The following ZNF723 variants were observed in gnomAD, a reference collection of about 807,000 sequenced individuals.
The protein encoded by ZNF723 is zinc finger protein 723, also known as zinc finger protein 723, pseudogene.
A neutral mutation model predicts 9.4 loss-of-function variants in ZNF723; 5 were observed. The observed-to-expected ratio is 0.53, with a 90% CI of 0.28 to 1.12. The LOEUF (loss-of-function observed/expected upper bound fraction) is 1.12. ZNF723 is among the 50% of genes most tolerant of loss of function. The pLI, the probability that ZNF723 is intolerant of heterozygous loss-of-function variation, is 0.10. For missense variants in ZNF723, 450 were observed against 501.5 expected (o/e 0.90, Z 0.98); for synonymous variants, 158 against 168.8 (o/e 0.94, Z 0.49).
the ZNF723 span, among the ~76,000 whole-genome samples, chr19:22,825,989 T>G: frequency 6.6e-6 from 1 of 152,228 alleles, no homozygotes; most frequent in African/African-American, 2.4e-5. Flanking sequence ...GCCTTAGCCT[T>G]GCTCACAGGG....
At chr19:22,819,486 T>C in the ZNF723 span, among the ~76,000 whole-genome samples, 1 of 152,210 alleles carries the variant, frequency 6.6e-6, no homozygotes, top group East Asian at 1.9e-4. Flanking sequence ...GATATGACTA[T>C]AGTTTTCTTC....
upstream of ZNF723, among the ~76,000 whole-genome samples, chr19:22,831,705 T>A (rs995952651): frequency 6.6e-6 from 1 of 151,978 alleles, no homozygotes; most frequent in African/African-American, 2.4e-5. Context: ...GTCAGGAGTT[T>A]GAGACCAGTC....
chr19:22,840,013 A>G (rs1008794668), intron 1 of ZNF723, among the ~76,000 whole-genome samples: 2 of 152,038 alleles, frequency 1.3e-5, no homozygotes, highest in South Asian at 4.2e-4. Context: ...GATTGTGGAT[A>G]TTAGTTGTTT....
At chr19:22,819,037 C>A in the ZNF723 span, among the ~76,000 whole-genome samples, 1 of 152,210 alleles carries the variant, frequency 6.6e-6, no homozygotes, top group East Asian at 1.9e-4. Flanking sequence ...TTAGGCCCAG[C>A]ACCTAGCTGA....
At chr19:22,832,671 A>C (rs1231994304) in intron 1 of ZNF723, among the ~76,000 whole-genome samples, 1 of 152,092 alleles carries the variant, frequency 6.6e-6, no homozygotes, top group African/African-American at 2.4e-5. Flanking sequence ...TGCAGGGACC[A>C]GGGGAGGGTC....
At chr19:22,823,355 G>T in the ZNF723 span, among the ~76,000 whole-genome samples, 1 of 152,144 alleles carries the variant, frequency 6.6e-6, no homozygotes, top group Non-Finnish European at 1.5e-5. Flanking sequence ...ACTCAAAGGA[G>T]CTGAAAGTTA....
chr19:22,820,606 A>T, the ZNF723 span, among the ~76,000 whole-genome samples: 3 of 152,160 alleles, frequency 2.0e-5, no homozygotes, highest in African/African-American at 7.2e-5. Context: ...CCAATAAGAG[A>T]TATACTGTCT....
the ZNF723 span, among the ~76,000 whole-genome samples, chr19:22,816,202 AG>A: frequency 6.6e-6 from 1 of 152,230 alleles, no homozygotes; most frequent in Admixed American, 6.5e-5. Flanking sequence ...CACAGCACGC[AG>A]GTGAGATTGT....
chr19:22,849,241 A>G lies in ZNF723; in HGVS notation c.174A>G (p.Gln58=), dbSNP rs1420719673. ...SKPDLITCLE[Q]GKEPWNMKRH... ...CAGATTTAATCACCTGTCTGGAGCAAGGAAAAGAGCCCTGGAATATGAAGA... is the reference window on the plus strand; with the variant it reads ...CAGATTTAATCACCTGTCTGGAGCAGGGAAAAGAGCCCTGGAATATGAAGA... The change falls in exon 3 of 4, where the codon CAA becomes CAG. Residue 58 remains glutamine, a synonymous_variant. Transcript: ENST00000600766. 1.1e-5 allele frequency: 7 copies of G among 658,182 alleles called. No individual in the cohort carries two copies. The Admixed American group carries it at 1.5e-4, about 14-fold the overall frequency. 40.8% of individuals were successfully genotyped at this position (658,182 alleles called of 1,614,324 possible). A position where few individuals can be genotyped will look rare whatever the true frequency, so the allele number is the denominator to read the frequency against.
intron 1 of ZNF723, chr19:22,840,319 G>A: frequency 6.7e-6 from 1 of 148,560 alleles, no homozygotes. Flanking sequence ...TAACAGGCAT[G>A]CGCCACCATG....
At chr19:22,826,842 T>TA in the ZNF723 span, among the ~76,000 whole-genome samples, 1 of 152,186 alleles carries the variant, frequency 6.6e-6, no homozygotes, top group Non-Finnish European at 1.5e-5. Flanking sequence ...AACTTATATA[T>TA]AAAAAAACTT....
At chr19:22,819,556 T>C in the ZNF723 span, among the ~76,000 whole-genome samples, 3 of 152,268 alleles carry the variant, frequency 2.0e-5, no homozygotes, top group Non-Finnish European at 4.4e-5. Flanking sequence ...GTGATGTGAC[T>C]GCTCTCATAA....
At chr19:22,839,158 G>A (rs991122925) in intron 1 of ZNF723, among the ~76,000 whole-genome samples, 32 of 152,142 alleles carry the variant, frequency 2.1e-4, no homozygotes, top group African/African-American at 3.4e-4. Context: ...ATGAGCCACC[G>A]CCCTTCTGTA....
chr19:22,850,111 GT>G (rs11451632), intron 3 of ZNF723, among the ~76,000 whole-genome samples: 11 of 145,936 alleles, frequency 7.5e-5, no homozygotes, highest in Non-Finnish European at 9.1e-5. Context: ...CTCCTGGTTT[GT>G]TTTTTTTTTG....
the ZNF723 span, among the ~76,000 whole-genome samples, chr19:22,819,570 AC>A: frequency 2.4e-3 from 367 of 152,218 alleles, 3 homozygotes; most frequent in African/African-American, 8.5e-3. Context: ...CTCATAACTG[AC>A]CCCTGCCATC....
Position 22,857,908 on chromosome 19 carries a change from A to G in ZNF723, c.1017A>G (p.Lys339=), listed in dbSNP as rs992227358. The change falls in exon 4 of 4, where the codon AAA becomes AAG. Residue 339 remains lysine (K), a synonymous_variant. Coordinates refer to ENST00000600766, the MANE Select transcript of ZNF723 (RefSeq NM_001349726.2). Reference sequence around the variant, plus strand: ...ATAAGAGAATTCATACTGGAGAGAAACTCTACAAATGTGAAGAATGTGGCA... The same window carrying G: ...ATAAGAGAATTCATACTGGAGAGAAGCTCTACAAATGTGAAGAATGTGGCA... ...ATHKRIHTGE[K]LYKCEECGKA... 4 of 1,444,518 alleles carry G rather than the reference A, an allele frequency of 2.8e-6. No homozygotes were observed. The African/African-American group carries it at 5.6e-5, about 20-fold the overall frequency. 89.5% of individuals were successfully genotyped at this position (1,444,518 alleles called of 1,614,324 possible).
chr19:22,842,897 T>G (rs1967267199), intron 1 of ZNF723, among the ~76,000 whole-genome samples: 1 of 152,244 alleles, frequency 6.6e-6, no homozygotes, highest in South Asian at 2.1e-4. Flanking sequence ...ATAGACATCT[T>G]AAAGTTCCTC....
chr19:22,825,249 A>G, the ZNF723 span, among the ~76,000 whole-genome samples: 1 of 152,298 alleles, frequency 6.6e-6, no homozygotes, highest in African/African-American at 2.4e-5. Context: ...TCATACCAGG[A>G]CACCGTCCTT....
At position 22,857,539 on chromosome 19, in the gene ZNF723, T is replaced by A. The variant is rs1344384876; in HGVS notation, c.648T>A (p.Leu216=). The part of the protein sequence containing the change: ...CGKAFSVPSK[L]NNHKRIHTGE... ...AAGCCTTTAGTGTGCCCTCAAAGCT[T>A]AATAATCATAAGAGAATTCATACTG... Residue 216 remains leucine, a synonymous_variant, in exon 4 of 4, where the codon CTT becomes CTA. Coordinates refer to ENST00000600766, the MANE Select transcript of ZNF723 (RefSeq NM_001349726.2). 1 of 1,310,780 alleles carries A rather than the reference T, an allele frequency of 7.6e-7. No homozygotes were observed. Among genetic ancestry groups the A allele is most frequent in the African/African-American group, 1.5e-5 (1 of 68,952 alleles). The allele number at this position is 1,310,780 out of a possible 1,614,324, so 81.2% of individuals were successfully genotyped here.
Sources: gnomAD v4.1 joint callset for allele counts (sites outside exome capture counted in the v4.1 genomes callset) on GRCh38, gnomAD v4.1.1 for gene constraint, MANE v1.5 for transcripts, NCBI Gene and HGNC (gene_info 2026-07-23, HGNC 2026-07-21) for gene names.